The following SLC6A9 variants were observed in gnomAD, a reference collection of about 807,000 sequenced individuals.
The protein encoded by SLC6A9 is sodium- and chloride-dependent glycine transporter 1.
In SLC6A9, 31 loss-of-function variants were observed where a neutral mutation model predicts 70.9. The observed-to-expected ratio is 0.44, with a 90% CI of 0.33 to 0.59. The LOEUF is 0.59. Among genes scored for constraint, SLC6A9 ranks in the 20% least tolerant of loss-of-function variants. SLC6A9 has a pLI of 0.04. For synonymous variants in SLC6A9, 310 were observed against 341.3 expected (o/e 0.91, Z 1.01); for missense variants, 631 against 845.2 (o/e 0.75, Z 3.14).
At chr1:44,012,003 G>A (rs1035434510) in intron 2 of SLC6A9, among the ~76,000 whole-genome samples, 1 of 152,196 alleles carries the variant, frequency 6.6e-6, no homozygotes, top group Non-Finnish European at 1.5e-5. Flanking sequence ...GGGGCTCAGT[G>A]TCACCAACAG....
In SLC6A9 at chr1:43,997,648, G is replaced by T. The variant is rs764173227; in HGVS notation, c.1799C>A (p.Ser600Tyr). ...TGRYAPTIAPSPEDGFEVQPL... is the reference protein window; with the variant it reads ...TGRYAPTIAPYPEDGFEVQPL... ...CTGGACCTCGAAGCCGTCCTCAGGA[G>T]AGGGGGCTATGGTGGGGGCGTAGCG... Residue 600 changes from serine (S) to tyrosine (Y), a missense_variant, in exon 14 of 14, where the codon TCT becomes TAT. Transcript: ENST00000372310. This position sits in a 1 kb window ranked among gnomAD's most constrained non-coding sequence, Gnocchi z 4.4. 1.4e-5 allele frequency: 23 copies of T among 1,614,066 alleles called. No homozygotes were observed. Among genetic ancestry groups the T allele is most frequent in the Non-Finnish European group, 1.9e-5 (23 of 1,179,980 alleles).
chr1:44,001,577 C>A lies in SLC6A9; in HGVS notation c.1013G>T (p.Gly338Val), dbSNP rs1009838639. 2 of 1,614,208 alleles carry A rather than the reference C, an allele frequency of 1.2e-6. No homozygotes were observed. The highest frequency in any genetic ancestry group is 1.7e-6 in the Non-Finnish European group (2 of 1,180,036). ...GCCGAGGATGGAGAAGATGACGAAG[C>A]CAGCATAGACGCTGGTGGCACAGTT... Reference protein sequence around the residue: ...ITNCATSVYAGFVIFSILGFM... With the variant: ...ITNCATSVYAVFVIFSILGFM... The change falls in exon 9 of 14, where the codon GGC (glycine) becomes GTC (valine). Residue 338 changes from glycine to valine, a missense_variant. By Grantham distance (109) the Gly-to-Val change is moderately radical. Transcript: ENST00000372310.
intron 2 of SLC6A9, among the ~76,000 whole-genome samples, chr1:44,016,210 A>G (rs1353221095): frequency 2.0e-5 from 3 of 152,094 alleles, no homozygotes; most frequent in Non-Finnish European, 2.9e-5. Flanking sequence ...ACTGGAGGCA[A>G]TGGTCATGTC....
chr1:44,008,115 G>A (rs1304848543), intron 5 of SLC6A9, among the ~76,000 whole-genome samples: 2 of 151,524 alleles, frequency 1.3e-5, no homozygotes, highest in Non-Finnish European at 1.5e-5. Context: ...TGATCTGCCC[G>A]CCTCGGCCTC....
intron 2 of SLC6A9, among the ~76,000 whole-genome samples, 186 bp downstream of exon 2, chr1:44,024,062 C>T (rs1014273580): frequency 5.3e-5 from 8 of 152,186 alleles, no homozygotes; most frequent in Non-Finnish European, 1.0e-4. Context: ...GCGGGCTCTG[C>T]GGGCTTGGAG....
chr1:44,018,959 T>A lies in SLC6A9; in HGVS notation c.30+5289A>T, dbSNP rs2086830292. Among the ~76,000 whole-genome samples the A allele has an allele frequency of 6.6e-6, 1 of 152,158 alleles. No homozygotes were observed. Among genetic ancestry groups the A allele is most frequent in the African/African-American group, 2.4e-5 (1 of 41,430 alleles). On this transcript the variant is annotated intron_variant, in intron 2 of 13. Coordinates refer to ENST00000372310, the MANE Select transcript of SLC6A9 (RefSeq NM_001024845.3). The surrounding 1 kb of genome is among the most constrained non-coding windows in gnomAD (Gnocchi z 4.2). Reference sequence around the variant, plus strand: ...AATTAATAAAAAATAAATTTTAAAATAAGATAAAAAGTCACAGCCTTTAGA... The same window carrying A: ...AATTAATAAAAAATAAATTTTAAAAAAAGATAAAAAGTCACAGCCTTTAGA...
intron 12 of SLC6A9, among the ~76,000 whole-genome samples, chr1:43,998,705 T>C (rs757835244): frequency 3.9e-5 from 6 of 152,048 alleles, no homozygotes; most frequent in Non-Finnish European, 5.9e-5. Context: ...GTCTCTTGTG[T>C]TGATTTGAAC....
intron 5 of SLC6A9, among the ~76,000 whole-genome samples, chr1:44,004,321 A>T (rs1272059735): frequency 6.7e-6 from 1 of 150,144 alleles, no homozygotes; most frequent in African/African-American, 2.5e-5. Flanking sequence ...TACTTTGTCT[A>T]ACCATATATG....
Position 44,010,105 on chromosome 1 carries a change from C to T in SLC6A9, c.188-9G>A. On this transcript the variant is annotated splice_polypyrimidine_tract_variant and intron_variant, in intron 3 of 13. Coordinates refer to ENST00000372310, the MANE Select transcript of SLC6A9 (RefSeq NM_001024845.3). ...GGGGAACATGAAGGCGCCTGGTAGGCAGGGAGAGGTCTGGCTCAGGAGTGG... is the reference window on the plus strand; with the variant it reads ...GGGGAACATGAAGGCGCCTGGTAGGTAGGGAGAGGTCTGGCTCAGGAGTGG... The T allele has an allele frequency of 6.2e-7, 1 of 1,613,306 alleles. No individual in the cohort carries two copies. The highest frequency in any genetic ancestry group is 8.5e-7 in the Non-Finnish European group (1 of 1,179,496).
chr1:43,997,392 T>A lies in SLC6A9; in HGVS notation c.*153A>T. ...CATGTAAACACTGGGGACATGAGCA[T>A]GAATGACTGCACTAGCAGTGGTGAC... On this transcript the variant is annotated 3_prime_UTR_variant, in exon 14 of 14. Transcript: ENST00000372310. This position sits in a 1 kb window ranked among gnomAD's most constrained non-coding sequence, Gnocchi z 4.4. 1 of 679,264 alleles carries A rather than the reference T, an allele frequency of 1.5e-6. No homozygotes were observed. The highest frequency in any genetic ancestry group is 2.6e-6 in the Non-Finnish European group (1 of 386,772). The allele number at this position is 679,264 out of a possible 1,614,324, so 42.1% of individuals were successfully genotyped here.
rs766841603 is a variant in SLC6A9 at position 44,001,468 on chromosome 1, G to A, written c.1122C>T (p.Ala374=). The A allele has an allele frequency of 1.6e-5, 26 of 1,614,100 alleles. No individual in the cohort carries two copies. The highest frequency in any genetic ancestry group is 1.6e-4 in the Middle Eastern group (1 of 6,084). The change falls in exon 9 of 14, where the codon GCC becomes GCT. Residue 374 remains alanine, a synonymous_variant. Transcript: ENST00000372310. The part of the protein sequence containing the change: ...PGLAFVAYPE[A]LTLLPISPLW... The stretch of plus-strand genomic sequence containing the variant: ...GCGGGGAGATGGGAAGTAGTGTGAG[G>A]GCCTCGGGGTAAGCCACGAAGGCCA...
Position 44,002,824 on chromosome 1 carries a change from C to CA in SLC6A9, c.723+28dup, listed in dbSNP as rs1557672185. On this transcript the variant is annotated intron_variant, in intron 6 of 13. Coordinates refer to ENST00000372310, the MANE Select transcript of SLC6A9 (RefSeq NM_001024845.3). This position sits in a 1 kb window ranked among gnomAD's most constrained non-coding sequence, Gnocchi z 5.5. ...AGGGGGCAGGGTCTTTCTGGGTGGGCACAGACCCTGCTGGGGAGGGGTACT... is the reference window on the plus strand; with the variant it reads ...AGGGGGCAGGGTCTTTCTGGGTGGGCAACAGACCCTGCTGGGGAGGGGTACT... 1 of 1,613,446 alleles carries CA rather than the reference C, an allele frequency of 6.2e-7. No individual in the cohort carries two copies. The highest frequency in any genetic ancestry group is 8.5e-7 in the Non-Finnish European group (1 of 1,179,604).
At chr1:44,016,704 T>C in intron 2 of SLC6A9, 1 of 236,462 alleles carries the variant, frequency 4.2e-6, no homozygotes, top group African/African-American at 2.3e-5. Context: ...ACAATGAGGC[T>C]GTATTGATTA....
In SLC6A9 at chr1:44,001,486, G is replaced by A. The variant is rs149979593; in HGVS notation, c.1104C>T (p.Phe368=). Residue 368 remains phenylalanine, a synonymous_variant, in exon 9 of 14, where the codon TTC becomes TTT. Coordinates refer to ENST00000372310, the MANE Select transcript of SLC6A9 (RefSeq NM_001024845.3). ...RVADHGPGLA[F]VAYPEALTLL... Reference sequence around the variant, plus strand: ...GTGTGAGGGCCTCGGGGTAAGCCACGAAGGCCAGGCCAGGGCCGTGGTCTG... The same window carrying A: ...GTGTGAGGGCCTCGGGGTAAGCCACAAAGGCCAGGCCAGGGCCGTGGTCTG... The A allele has an allele frequency of 5.9e-5, 95 of 1,614,050 alleles. No individual in the cohort carries two copies. Among genetic ancestry groups the A allele is most frequent in the African/African-American group, 5.2e-4 (39 of 74,916 alleles).
chr1:44,017,368 AAC>A lies in SLC6A9; in HGVS notation c.31-6488_31-6487del, dbSNP rs3038812. ...CTTGTTCCCAGCAAGTAACTGGAACAACACACACACACACACACACACACACA... is the reference window on the plus strand; with the variant it reads ...CTTGTTCCCAGCAAGTAACTGGAACAACACACACACACACACACACACACA... On this transcript the variant is annotated intron_variant, in intron 2 of 13. Transcript: ENST00000372310. 295,882 of 811,604 alleles carry A rather than the reference AAC, an allele frequency of 0.36. 21,435 individuals carry two copies. The highest frequency in any genetic ancestry group is 0.4 in the Admixed American group (7,531 of 18,726). The allele number at this position is 811,604 out of a possible 1,614,324, so 50.3% of individuals were successfully genotyped here. A position where few individuals can be genotyped will look rare whatever the true frequency, so the allele number is the denominator to read the frequency against.
intron 2 of SLC6A9, chr1:44,017,377 A>C: frequency 1.0e-6 from 1 of 969,454 alleles, no homozygotes; most frequent in Non-Finnish European, 1.3e-6. Flanking sequence ...CAACACACAC[A>C]CACACACACA....
intron 8 of SLC6A9, 65 bp from the exon 9 acceptor site, chr1:44,001,692 G>A (rs2086113898): frequency 7.8e-7 from 1 of 1,282,412 alleles, no homozygotes. Context: ...GAGACATGGA[G>A]ACACGGAAAG....
At chr1:44,025,120 G>C (rs892832208) in intron 1 of SLC6A9, among the ~76,000 whole-genome samples, 1 of 145,028 alleles carries the variant, frequency 6.9e-6, no homozygotes, top group East Asian at 1.9e-4. Flanking sequence ...TGAGTTCCCC[G>C]AGGGCTTGGG....
At chr1:44,014,357 A>T (rs1214166823) in intron 2 of SLC6A9, among the ~76,000 whole-genome samples, 3 of 151,906 alleles carry the variant, frequency 2.0e-5, no homozygotes, top group Non-Finnish European at 2.9e-5. Flanking sequence ...CCAGGACAGG[A>T]CTACCCTGCC....
Sources: allele counts gnomAD v4.1 joint callset (sites outside exome capture counted in the v4.1 genomes callset), GRCh38; gene constraint gnomAD v4.1.1; non-coding constraint Gnocchi (gnomAD v3.1); transcripts MANE v1.5; gene names NCBI Gene and HGNC (gene_info 2026-07-23, HGNC 2026-07-21).